The following AK9 variants were observed in gnomAD, a reference collection of about 807,000 sequenced individuals.
The protein encoded by AK9 is adenylate kinase domain containing 1.
Under a neutral mutation model 239.6 loss-of-function variants are expected in AK9, and 191 were observed. That is an observed-to-expected ratio of 0.80 (90% CI 0.71 to 0.90). AK9 has a LOEUF of 0.90. Ranked by LOEUF, AK9 falls within the 40% of genes least tolerant of loss-of-function variation. The pLI is 0.00. For missense variants in AK9, 1,995 were observed against 2,214.7 expected, an observed-to-expected ratio of 0.90 and a Z score of 1.99; for synonymous variants, 689 against 721.0, an observed-to-expected ratio of 0.96 and a Z score of 0.71.
chr6:109,502,070 T>C (rs1282685840), intron 35 of AK9, among the ~76,000 whole-genome samples: 1 of 152,218 alleles, frequency 6.6e-6, no homozygotes. Flanking sequence ...CAGGGTGGGC[T>C]GATCTGACAT....
At chr6:109,683,113 T>C (rs1303291196) in intron 1 of AK9, among the ~76,000 whole-genome samples, 1 of 152,178 alleles carries the variant, frequency 6.6e-6, no homozygotes, top group African/African-American at 2.4e-5. Context: ...TCAATAAATG[T>C]AATCCATCAC....
chr6:109,537,198 C>T (rs1289797381), intron 27 of AK9, among the ~76,000 whole-genome samples: 3 of 152,056 alleles, frequency 2.0e-5, no homozygotes, highest in Non-Finnish European at 2.9e-5. Flanking sequence ...CCTCCTTCTA[C>T]CTCTGGTAGA....
chr6:109,614,168 A>T lies in AK9; in HGVS notation c.1609+15T>A. 2 of 1,532,788 alleles carry T rather than the reference A, an allele frequency of 1.3e-6. No individual in the cohort carries two copies. The highest frequency in any genetic ancestry group is 1.8e-6 in the Non-Finnish European group (2 of 1,130,012). The allele number at this position is 1,532,788 out of a possible 1,614,324, so 94.9% of individuals were successfully genotyped here. Reference sequence around the variant, plus strand: ...TGAGATCCACAAACGTGGGATTAGCAGTTCACTTTGTTACCATCTTTATCA... The same window carrying T: ...TGAGATCCACAAACGTGGGATTAGCTGTTCACTTTGTTACCATCTTTATCA... On this transcript the variant is annotated intron_variant, in intron 15 of 40. Transcript: ENST00000424296.
intron 21 of AK9, among the ~76,000 whole-genome samples, chr6:109,566,074 A>G: frequency 6.6e-6 from 1 of 152,118 alleles, no homozygotes; most frequent in Non-Finnish European, 1.5e-5. Flanking sequence ...AAAGACTGCA[A>G]TAGTTGGGGG....
chr6:109,659,874 C>T (rs1363811520), intron 6 of AK9, among the ~76,000 whole-genome samples: 1 of 152,092 alleles, frequency 6.6e-6, no homozygotes, highest in Non-Finnish European at 1.5e-5. Context: ...GTGTTTTATA[C>T]AATGCCAGTC....
chr6:109,641,560 T>C lies in AK9; in HGVS notation c.891A>G (p.Lys297=). The C allele has an allele frequency of 6.2e-7, 1 of 1,613,696 alleles. No individual in the cohort carries two copies. Among genetic ancestry groups the C allele is most frequent in the Non-Finnish European group, 8.5e-7 (1 of 1,179,678 alleles). Residue 297 remains lysine, a synonymous_variant, in exon 10 of 41, where the codon AAA becomes AAG. Coordinates refer to ENST00000424296, the MANE Select transcript of AK9 (RefSeq NM_001145128.3). The stretch of plus-strand genomic sequence containing the variant: ...TAATTTCTTCCTCTGCACCCTGAAG[T>C]TTGGTTAGAATAGCTGCTCTTTTTA... ...LNLKRAAILT[K]LQGAEEEIND...
intron 17 of AK9, among the ~76,000 whole-genome samples, chr6:109,592,527 A>C (rs1790409347): frequency 6.7e-6 from 1 of 149,076 alleles, no homozygotes; most frequent in Non-Finnish European, 1.5e-5. Context: ...GCTCACTGCA[A>C]GCTCCACCTC....
chr6:109,508,394 T>C (rs764127540), intron 33 of AK9, among the ~76,000 whole-genome samples: 7 of 152,140 alleles, frequency 4.6e-5, no homozygotes, highest in Non-Finnish European at 8.8e-5. Flanking sequence ...CTGAGGTCCT[T>C]CTTATGCAAA....
intron 7 of AK9, 144 bp downstream of exon 7, chr6:109,659,084 T>G: frequency 8.8e-7 from 1 of 1,133,222 alleles, no homozygotes; most frequent in Non-Finnish European, 1.2e-6. Flanking sequence ...ACATGAAAGA[T>G]TTTTGCTTAT....
chr6:109,497,801 GT>G lies in AK9; in HGVS notation c.5210del (p.Asn1737ThrfsTer7). 2 of 1,611,734 alleles carry G rather than the reference GT, an allele frequency of 1.2e-6. No homozygotes were observed. Among genetic ancestry groups the G allele is most frequent in the Non-Finnish European group, 1.7e-6 (2 of 1,178,054 alleles). ...CCATGAAGGCCAGGACTTGCCTTTG[GT>G]TTCCATCCTTATAGGTCACTGGACA... Reference protein sequence around the residue: ...GYCPVTYKDGNQRYEALVPGS... With the variant: ...GYCPVTYKDGXQRYEALVPGS... On this transcript the variant is annotated frameshift_variant, in exon 37 of 41. Transcript: ENST00000424296. LOFTEE classifies it high-confidence loss of function.
At chr6:109,525,932 T>C (rs2128127050) in intron 29 of AK9, among the ~76,000 whole-genome samples, 1 of 152,270 alleles carries the variant, frequency 6.6e-6, no homozygotes, top group South Asian at 2.1e-4. Flanking sequence ...GTGGTACATA[T>C]ATACCATGGA....
chr6:109,624,038 GT>G (rs1177733142), intron 12 of AK9, among the ~76,000 whole-genome samples: 1 of 151,528 alleles, frequency 6.6e-6, no homozygotes, highest in Non-Finnish European at 1.5e-5. Context: ...TCATATTTCT[GT>G]TCCTGCAGGT....
intron 10 of AK9, among the ~76,000 whole-genome samples, chr6:109,634,971 G>A (rs1461856433): frequency 1.3e-5 from 2 of 152,218 alleles, no homozygotes; most frequent in African/African-American, 2.4e-5. Flanking sequence ...GCCGAAGGGA[G>A]AAGAGAAGAT....
chr6:109,511,431 G>T (rs1287528823), intron 32 of AK9, among the ~76,000 whole-genome samples: 1 of 152,152 alleles, frequency 6.6e-6, no homozygotes, highest in Non-Finnish European at 1.5e-5. Flanking sequence ...CAGGTGGGTG[G>T]AATGGATATT....
chr6:109,621,748 G>C (rs1212191822), intron 12 of AK9, among the ~76,000 whole-genome samples: 1 of 143,598 alleles, frequency 7.0e-6, no homozygotes. Flanking sequence ...GTGGTGGGGA[G>C]GGGGGATGGG....
chr6:109,653,300 T>C (rs1169293207), intron 8 of AK9, among the ~76,000 whole-genome samples: 1 of 152,222 alleles, frequency 6.6e-6, no homozygotes, highest in Admixed American at 6.5e-5. Flanking sequence ...TTCAAAGCCC[T>C]AACCCGCAAT....
In AK9 at chr6:109,575,458, G is replaced by A. The variant is rs137896734; in HGVS notation, c.2192-1864C>T. Among the ~76,000 whole-genome samples the A allele has an allele frequency of 3.4e-3, 521 of 151,922 alleles. 1 individual carries two copies. The highest frequency in any genetic ancestry group is 5.6e-3 in the Admixed American group (85 of 15,260). On this transcript the variant is annotated intron_variant, in intron 20 of 40. Transcript: ENST00000424296. The stretch of plus-strand genomic sequence containing the variant: ...ATGTTGAGCATTTTTTCATATATTC[G>A]CTGGCCATTTGTATATCTTCTTTTG...
rs10648225 is a variant in AK9 at position 109,607,768 on chromosome 6, GGT to G, written c.1842+2595_1842+2596del. 5.1e-3 allele frequency among the ~76,000 whole-genome samples: 743 copies of G among 145,370 alleles called. 4 individuals carry two copies. Among genetic ancestry groups the G allele is most frequent in the Admixed American group, 0.02 (294 of 14,532 alleles). Reference sequence around the variant, plus strand: ...AACCCGATCAAAATCCCAGCAGAGGGGTGTGTGTGTGTGTGTGTGTGTGTGTG... The same window carrying G: ...AACCCGATCAAAATCCCAGCAGAGGGGTGTGTGTGTGTGTGTGTGTGTGTG... On this transcript the variant is annotated intron_variant, in intron 17 of 40. Transcript: ENST00000424296.
chr6:109,658,677 ATATAT>A (rs1325051613), intron 7 of AK9, among the ~76,000 whole-genome samples: 1 of 152,166 alleles, frequency 6.6e-6, no homozygotes, highest in East Asian at 1.9e-4. Context: ...ATTTAATTAA[ATATAT>A]TATTCAAATG....
Sources: gnomAD v4.1 joint callset for allele counts (sites outside exome capture counted in the v4.1 genomes callset) on GRCh38, gnomAD v4.1.1 for gene constraint, MANE v1.5 for transcripts, NCBI Gene and HGNC (gene_info 2026-07-23, HGNC 2026-07-21) for gene names.